TTC27: variants seen among roughly 807,000 people sequenced by gnomAD.
The protein encoded by TTC27 is tetratricopeptide repeat protein 27.
TTC27 carries 79 observed loss-of-function variants against 115.9 expected under a neutral mutation model. The ratio of observed to expected loss-of-function variants is 0.68; its 90% CI spans 0.57 to 0.82. The LOEUF (loss-of-function observed/expected upper bound fraction) is 0.82. Ranked by LOEUF, TTC27 falls within the 40% of genes least tolerant of loss-of-function variation. The pLI is 0.00. For synonymous variants in TTC27, 401 were observed against 356.0 expected, an observed-to-expected ratio of 1.13 and a Z score of -1.42; for missense variants, 1,054 against 993.1, an observed-to-expected ratio of 1.06 and a Z score of -0.82.
intron 16 of TTC27, among the ~76,000 whole-genome samples, chr2:32,792,619 G>T (rs1670573583): frequency 6.6e-6 from 1 of 152,138 alleles, no homozygotes; most frequent in African/African-American, 2.4e-5. Context: ...TACTTAGAGA[G>T]CTCCAAGTGG....
At chr2:32,658,616 G>T (rs554040919) in intron 5 of TTC27, among the ~76,000 whole-genome samples, 31 of 152,268 alleles carry the variant, frequency 2.0e-4, no homozygotes, top group South Asian at 4.2e-4. Flanking sequence ...TATTCATTCT[G>T]GTAGGCTGTT....
At chr2:32,798,518 A>G (rs1186604399) in intron 16 of TTC27, among the ~76,000 whole-genome samples, 1 of 151,892 alleles carries the variant, frequency 6.6e-6, no homozygotes, top group East Asian at 1.9e-4. Flanking sequence ...CCTGGCTAAC[A>G]CGGTGAAGCC....
chr2:32,727,918 A>C (rs1668162283), intron 10 of TTC27, among the ~76,000 whole-genome samples: 1 of 152,108 alleles, frequency 6.6e-6, no homozygotes, highest in South Asian at 2.1e-4. Context: ...GAGTCCCTTA[A>C]TAATTTATAA....
At chr2:32,664,489 T>G in intron 6 of TTC27, 22 bp downstream of exon 6, 1 of 1,582,902 alleles carries the variant, frequency 6.3e-7, no homozygotes, top group African/African-American at 1.4e-5. Context: ...TTTTTGTGGA[T>G]AATTGATTTT....
intron 10 of TTC27, among the ~76,000 whole-genome samples, chr2:32,721,078 T>A (rs1667908396): frequency 6.6e-6 from 1 of 152,206 alleles, no homozygotes; most frequent in Non-Finnish European, 1.5e-5. Flanking sequence ...GTATTTGGTT[T>A]GCCTAATGAG....
intron 18 of TTC27, among the ~76,000 whole-genome samples, chr2:32,815,004 T>C (rs775842720): frequency 6.6e-5 from 10 of 152,172 alleles, no homozygotes; most frequent in Non-Finnish European, 1.0e-4. Context: ...TGATAAGATA[T>C]TGCGACCTTG....
intron 9 of TTC27, among the ~76,000 whole-genome samples, chr2:32,680,153 A>C (rs975577682): frequency 6.6e-6 from 1 of 152,104 alleles, no homozygotes; most frequent in Admixed American, 6.6e-5. Context: ...CAGTATTCTC[A>C]GAAATCTTTG....
At chr2:32,788,688 G>A (rs747622975) in intron 16 of TTC27, among the ~76,000 whole-genome samples, 22 of 152,078 alleles carry the variant, frequency 1.4e-4, no homozygotes, top group Non-Finnish European at 2.5e-4. Context: ...GTAACAACTG[G>A]CTCACCAGGT....
chr2:32,685,633 A>G (rs1572514337), intron 9 of TTC27, among the ~76,000 whole-genome samples: 1 of 152,332 alleles, frequency 6.6e-6, no homozygotes, highest in Non-Finnish European at 1.5e-5. Context: ...GAAAAACCAA[A>G]TGATTATCTT....
intron 16 of TTC27, among the ~76,000 whole-genome samples, chr2:32,800,834 CATT>C (rs1670904385): frequency 6.6e-6 from 1 of 152,150 alleles, no homozygotes; most frequent in Non-Finnish European, 1.5e-5. Flanking sequence ...CTCTCATCAT[CATT>C]GTCATCATTG....
intron 9 of TTC27, among the ~76,000 whole-genome samples, chr2:32,700,331 G>A (rs887440419): frequency 2.0e-5 from 3 of 152,054 alleles, no homozygotes; most frequent in African/African-American, 7.2e-5. Context: ...TGGTGGGGCT[G>A]GGATGCCTCT....
intron 10 of TTC27, among the ~76,000 whole-genome samples, chr2:32,710,427 C>CTTTTTTTTTT (rs10651873): frequency 7.7e-6 from 1 of 129,856 alleles, no homozygotes. Flanking sequence ...AAGTATATAG[C>CTTTTTTTTTT]TTTTTTTTTT....
chr2:32,723,970 G>GTTTTTTTTTTTTTTTTTTTTTTTTT (rs1668025651), intron 10 of TTC27, among the ~76,000 whole-genome samples: 2 of 66,286 alleles, frequency 3.0e-5, no homozygotes, highest in African/African-American at 6.9e-5. Context: ...GCATACATAA[G>GTTTTTTTTTTTTTTTTTTTTTTTTT]CTTTTTTTTT....
At chr2:32,764,981 G>T (rs376133494) in intron 13 of TTC27, among the ~76,000 whole-genome samples, 1 of 152,082 alleles carries the variant, frequency 6.6e-6, no homozygotes, top group African/African-American at 2.4e-5. Flanking sequence ...CTGAAATCTC[G>T]AACGCTTAAA....
intron 10 of TTC27, among the ~76,000 whole-genome samples, chr2:32,728,112 C>G (rs930400594): frequency 1.4e-5 from 2 of 145,836 alleles, no homozygotes; most frequent in Non-Finnish European, 3.0e-5. Context: ...GTGATCTCTG[C>G]TCACTGCAAG....
rs1381571103 is a variant in TTC27 at position 32,787,006 on chromosome 2, C to G, written c.1855C>G (p.Gln619Glu). The change falls in exon 16 of 20, where the codon CAA becomes GAA. Residue 619 changes from glutamine to glutamate, a missense_variant. Transcript: ENST00000317907. ...KQKVKAFRTLQEALKCNYEHW... is the reference protein window; with the variant it reads ...KQKVKAFRTLEEALKCNYEHW... ...TAGAGTAAAAGCTTTTAGAACTTTA[C>G]AAGAAGCTCTCAAGTGTAACTATGA... is the stretch of plus-strand genomic sequence containing the variant. The G allele has an allele frequency of 6.2e-7, 1 of 1,612,518 alleles. No individual in the cohort carries two copies. Among genetic ancestry groups the G allele is most frequent in the East Asian group, 2.2e-5 (1 of 44,864 alleles).
intron 16 of TTC27, among the ~76,000 whole-genome samples, chr2:32,802,095 G>T (rs537154241): frequency 6.6e-6 from 1 of 151,376 alleles, no homozygotes; most frequent in African/African-American, 2.4e-5. Flanking sequence ...CATTAGATCC[G>T]CAAGGGTGTC....
In TTC27 at chr2:32,762,635, T is replaced by G. The variant is rs78433641; in HGVS notation, c.1680+4116T>G. ...AATAGTTTAGTTTTTTGGGTTTTTT[T>G]TTTTGTTTTGTTTTTTGAGATGGAG... On this transcript the variant is annotated intron_variant, in intron 13 of 19. Coordinates refer to ENST00000317907, the MANE Select transcript of TTC27 (RefSeq NM_017735.5). Among the ~76,000 whole-genome samples the G allele has an allele frequency of 8.2e-3, 1,246 of 152,026 alleles. 10 individuals carry two copies. Among genetic ancestry groups the G allele is most frequent in the East Asian group, 0.024 (123 of 5,176 alleles).
Position 32,810,961 on chromosome 2 carries a change from C to G in TTC27, c.1999-63C>G, listed in dbSNP as rs1044227863. 3.3e-6 allele frequency: 5 copies of G among 1,529,946 alleles called. No homozygotes were observed. In the African/African-American group the frequency reaches 6.9e-5, roughly 21 times the overall value. 94.8% of individuals were successfully genotyped at this position (1,529,946 alleles called of 1,614,324 possible). A position where few individuals can be genotyped will look rare whatever the true frequency, so the allele number is the denominator to read the frequency against. On this transcript the variant is annotated intron_variant, in intron 16 of 19. Coordinates refer to ENST00000317907, the MANE Select transcript of TTC27 (RefSeq NM_017735.5). ...ATTGTCTTTGATGATGGTGAGATAG[C>G]TCTTTGTTTTTGTTATTGTTTGTTG...
Sources: allele counts gnomAD v4.1 joint callset (sites outside exome capture counted in the v4.1 genomes callset), GRCh38; gene constraint gnomAD v4.1.1; transcripts MANE v1.5; gene names NCBI Gene and HGNC (gene_info 2026-07-23, HGNC 2026-07-21).